Variants in FCHO1 observed in about 807,000 individuals in gnomAD.
FCHO1 encodes F-BAR domain only protein 1.
Under a neutral mutation model 114.4 loss-of-function variants are expected in FCHO1, and 45 were observed. That is an observed-to-expected ratio of 0.39 (90% CI 0.31 to 0.50). The LOEUF is 0.50. FCHO1 is among the 20% of genes least tolerant of loss of function. FCHO1 has a pLI of 0.77. For synonymous variants in FCHO1, 480 were observed against 488.9 expected (o/e 0.98, Z 0.24); for missense variants, 1,042 against 1,209.6 (o/e 0.86, Z 2.06).
At chr19:17,768,638 C>G (rs62121732) in intron 7 of FCHO1, among the ~76,000 whole-genome samples, 67,408 of 149,530 alleles carry the variant, frequency 0.45, 15,970 homozygotes, top group East Asian at 0.71. Context: ...AGGTTGCAGT[C>G]AGTTGAGATC....
chr19:17,782,572 A>G, intron 23 of FCHO1, among the ~76,000 whole-genome samples: 1 of 152,158 alleles, frequency 6.6e-6, no homozygotes, highest in East Asian at 1.9e-4. Context: ...ATTAAGATGA[A>G]GGGAGTAATA....
At chr19:17,760,426 G>A (rs904818976) in intron 4 of FCHO1, among the ~76,000 whole-genome samples, 8 of 152,236 alleles carry the variant, frequency 5.3e-5, no homozygotes, top group Non-Finnish European at 1.0e-4. Context: ...TCTGGCCGGC[G>A]TTAAGATATA....
intron 6 of FCHO1, among the ~76,000 whole-genome samples, chr19:17,766,013 C>T (rs1344360398): frequency 6.7e-5 from 10 of 148,594 alleles, no homozygotes; most frequent in African/African-American, 2.5e-4. Flanking sequence ...CTCAGCCTCC[C>T]GAGTAGCTGG....
At chr19:17,770,114 A>G (rs2091027471) in intron 7 of FCHO1, among the ~76,000 whole-genome samples, 2 of 152,312 alleles carry the variant, frequency 1.3e-5, no homozygotes, top group Admixed American at 6.5e-5. Flanking sequence ...AGCCTGGCCA[A>G]CATGGTGAAA....
rs199691153 is a variant in FCHO1 at position 17,765,012 on chromosome 19, C to T, written c.194+563C>T. 9.4e-5 allele frequency among the ~76,000 whole-genome samples: 14 copies of T among 148,156 alleles called. No homozygotes were observed. In the East Asian group the frequency reaches 2.2e-3, roughly 23 times the overall value. On this transcript the variant is annotated intron_variant, in intron 6 of 28. Transcript: ENST00000596536. ...CCAGGAGGCGGAGGTTGCAGTGAGC[C>T]GAGATTGTGCCACTGCACTCCAGCC...
chr19:17,761,653 T>TATATATATAC (rs1491266072), intron 4 of FCHO1, among the ~76,000 whole-genome samples: 30 of 139,782 alleles, frequency 2.1e-4, no homozygotes, highest in South Asian at 8.8e-4. Context: ...TATATATATA[T>TATATATATAC]ACACACACAC....
In FCHO1 at chr19:17,770,530, C is replaced by A. The variant is rs747932265; in HGVS notation, c.442C>A (p.Gln148Lys). The change falls in exon 8 of 29, where the codon CAG (glutamine) becomes AAG (lysine). Residue 148 changes from glutamine (Q) to lysine (K), a missense_variant. By Grantham distance (53) the Gln-to-Lys change is moderately conservative. Transcript: ENST00000596536. ...GAACTACCTGAACCGTTGCATGGAC[C>A]AGGAGCGGCTGCGGAGGGAGAGTAC... is the stretch of plus-strand genomic sequence containing the variant. ...RENYLNRCMD[Q>K]ERLRRESTSQ... 3.9e-5 allele frequency: 63 copies of A among 1,613,700 alleles called. No individual in the cohort carries two copies. The highest frequency in any genetic ancestry group is 4.8e-5 in the Non-Finnish European group (57 of 1,179,788).
At chr19:17,785,241 A>T (rs2093767971) in intron 26 of FCHO1, among the ~76,000 whole-genome samples, 1 of 152,130 alleles carries the variant, frequency 6.6e-6, no homozygotes, top group African/African-American at 2.4e-5. Flanking sequence ...TTACTTTGAG[A>T]TGAAGTCTCG....
chr19:17,775,210 G>C lies in FCHO1; in HGVS notation c.945+130G>C, dbSNP rs562047206. The C allele has an allele frequency of 8.6e-4, 941 of 1,088,948 alleles. 1 individual carries two copies. Among genetic ancestry groups the C allele is most frequent in the Non-Finnish European group, 1.2e-3 (893 of 747,398 alleles). 67.5% of individuals were successfully genotyped at this position (1,088,948 alleles called of 1,614,324 possible). ...TTGAGGGGCGGGCTGGAGCCTGGGG[G>C]CTGGGTTCATATCCCACCTCAGCTG... On this transcript the variant is annotated intron_variant, in intron 14 of 28. Coordinates refer to ENST00000596536, the MANE Select transcript of FCHO1 (RefSeq NM_015122.3). This position sits in a 1 kb window ranked among gnomAD's most constrained non-coding sequence, Gnocchi z 5.1.
At chr19:17,764,155 T>C (rs907138370) in intron 5 of FCHO1, among the ~76,000 whole-genome samples, 1 of 151,924 alleles carries the variant, frequency 6.6e-6, no homozygotes, top group Non-Finnish European at 1.5e-5. Context: ...TTTTCATGCC[T>C]CAACTTCCCC....
At chr19:17,783,978 G>A in intron 24 of FCHO1, 125 bp from the exon 25 acceptor site, 1 of 1,222,856 alleles carries the variant, frequency 8.2e-7, no homozygotes, top group Non-Finnish European at 1.2e-6. Context: ...CAACCACCCA[G>A]GTAGGGCTTT....
At chr19:17,761,335 G>A (rs961324207) in intron 4 of FCHO1, among the ~76,000 whole-genome samples, 1 of 150,710 alleles carries the variant, frequency 6.6e-6, no homozygotes, top group Admixed American at 6.6e-5. Context: ...TGGCTTATAA[G>A]ATCAAATGAT....
chr19:17,770,993 C>G (rs2091336392), intron 9 of FCHO1, 97 bp downstream of exon 9: 3 of 1,050,752 alleles, frequency 2.9e-6, no homozygotes, highest in Admixed American at 2.1e-5. Context: ...GTGGCTCACA[C>G]CTGTAATCCC....
chr19:17,753,183 C>T (rs2082431350), intron 1 of FCHO1, among the ~76,000 whole-genome samples: 2 of 152,148 alleles, frequency 1.3e-5, no homozygotes, highest in Non-Finnish European at 2.9e-5. Context: ...TGGTCATGGA[C>T]AGAAGCTAAG....
intron 28 of FCHO1, 29 bp from the exon 29 acceptor site, chr19:17,788,255 C>A: frequency 1.4e-6 from 2 of 1,440,264 alleles, no homozygotes; most frequent in Non-Finnish European, 1.9e-6. Context: ...TCCTCCCCAC[C>A]CCTCCCCCTC....
At chr19:17,774,071 C>T (rs1239508399) in intron 11 of FCHO1, among the ~76,000 whole-genome samples, 168 bp from the exon 12 acceptor site, 2 of 152,204 alleles carry the variant, frequency 1.3e-5, no homozygotes, top group East Asian at 1.9e-4. Flanking sequence ...CCACCATGTC[C>T]GGCTTTTTTG....
At chr19:17,774,793 T>G in intron 13 of FCHO1, 1 of 582,406 alleles carries the variant, frequency 1.7e-6, no homozygotes, top group Non-Finnish European at 3.0e-6. Context: ...GCCCCGACTT[T>G]CCCTATCTTC....
chr19:17,771,037 T>C (rs2091352499), intron 9 of FCHO1, 141 bp downstream of exon 9: 2 of 626,226 alleles, frequency 3.2e-6, no homozygotes, highest in Non-Finnish European at 5.4e-6. Flanking sequence ...GAGGATCACC[T>C]GAGGTCAGGA....
chr19:17,755,029 TTCTC>T, intron 3 of FCHO1, 85 bp from the exon 4 acceptor site: 1 of 835,022 alleles, frequency 1.2e-6, no homozygotes, highest in Non-Finnish European at 2.1e-6. Flanking sequence ...CCTTCATCCT[TTCTC>T]TCCTTCCTCT....
Sources: gnomAD v4.1 joint callset for allele counts (sites outside exome capture counted in the v4.1 genomes callset) on GRCh38, gnomAD v4.1.1 for gene constraint, Gnocchi (gnomAD v3.1) non-coding constraint, MANE v1.5 for transcripts, NCBI Gene and HGNC (gene_info 2026-07-23, HGNC 2026-07-21) for gene names.